The following DNAJC24 variants were observed in gnomAD, a reference collection of about 807,000 sequenced individuals.
The protein encoded by DNAJC24 is DnaJ heat shock protein family (Hsp40) member C24, also known as dnaJ homolog subfamily C member 24.
In DNAJC24, 17 loss-of-function variants were observed where a neutral mutation model predicts 18.0. The observed-to-expected ratio is 0.94, with a 90% CI of 0.65 to 1.42. DNAJC24 has a LOEUF of 1.42. DNAJC24 is among the 40% of genes most tolerant of loss of function. The pLI, the probability that DNAJC24 is intolerant of heterozygous loss-of-function variation, is 0.00. For missense variants in DNAJC24, 158 were observed against 175.6 expected, an observed-to-expected ratio of 0.90 and a Z score of 0.57; for synonymous variants, 55 against 57.7, an observed-to-expected ratio of 0.95 and a Z score of 0.21.
intron 2 of DNAJC24, among the ~76,000 whole-genome samples, chr11:31,378,037 A>G (rs1231595105): frequency 6.6e-6 from 1 of 152,120 alleles, no homozygotes; most frequent in Non-Finnish European, 1.5e-5. Flanking sequence ...GTCTTGAAAA[A>G]GAAAGTAGAA....
rs908331208 is a variant in DNAJC24 at position 31,375,893 on chromosome 11, G to T, written c.111+5034G>T. 5.2e-5 allele frequency among the ~76,000 whole-genome samples: 7 copies of T among 135,108 alleles called. 3 individuals carry two copies. The highest frequency in any genetic ancestry group is 1.2e-4 in the Non-Finnish European group (7 of 58,400). 88.6% of individuals were successfully genotyped at this position (135,108 alleles called of 152,430 possible). On this transcript the variant is annotated intron_variant, in intron 2 of 4. Transcript: ENST00000465995. ...TTGTAGATAGCTATGTATACTATGG[G>T]AGCAAGAAGTCTCAGCTAACAACCT...
chr11:31,427,404 C>T (rs928461955), intron 4 of DNAJC24: 1 of 151,874 alleles, frequency 6.6e-6, no homozygotes, highest in Non-Finnish European at 1.5e-5. Flanking sequence ...AACTGGGGCT[C>T]TTGGTGGTGA....
chr11:31,384,820 T>G (rs1952412288), intron 2 of DNAJC24: 1 of 152,184 alleles, frequency 6.6e-6, no homozygotes, highest in Admixed American at 6.5e-5. Flanking sequence ...GATATGTTTT[T>G]GAGAGCTTCA....
chr11:31,432,262 C>T lies in DNAJC24; in HGVS notation c.*1861C>T. ...AAGTGAGGTAGTCATCCAGGTTCCC[C>T]CTCCCACAATATTTTTGTATCATAA... On this transcript the variant is annotated 3_prime_UTR_variant, in exon 5 of 5. Coordinates refer to ENST00000465995, the MANE Select transcript of DNAJC24 (RefSeq NM_181706.5). The T allele has an allele frequency of 2.3e-6, 1 of 443,542 alleles. No homozygotes were observed. The highest frequency in any genetic ancestry group is 3.9e-5 in the South Asian group (1 of 25,760). The allele number at this position is 443,542 out of a possible 1,614,324, so 27.5% of individuals were successfully genotyped here.
Position 31,426,443 on chromosome 11 carries a change from TAAAA to T in DNAJC24, c.319+90_319+93del. On this transcript the variant is annotated intron_variant, in intron 4 of 4. Coordinates refer to ENST00000465995, the MANE Select transcript of DNAJC24 (RefSeq NM_181706.5). ...AAACTCATTGGATATTTGGAAATCTTAAAAAGAAATAATAGTGTGGCTTTCTATA... is the reference window on the plus strand; with the variant it reads ...AAACTCATTGGATATTTGGAAATCTTAGAAATAATAGTGTGGCTTTCTATA... The T allele has an allele frequency of 9.7e-6, 7 of 719,768 alleles. No individual in the cohort carries two copies. The South Asian group carries it at 1.2e-4, about 12-fold the overall frequency. The allele number at this position is 719,768 out of a possible 1,614,324, so 44.6% of individuals were successfully genotyped here. A position where few individuals can be genotyped will look rare whatever the true frequency, so the allele number is the denominator to read the frequency against.
chr11:31,425,950 CA>C (rs893534485), intron 3 of DNAJC24, among the ~76,000 whole-genome samples: 1 of 152,050 alleles, frequency 6.6e-6, no homozygotes, highest in Non-Finnish European at 1.5e-5. Context: ...GACAAACAAA[CA>C]AACAAAAAAC....
intron 2 of DNAJC24, among the ~76,000 whole-genome samples, chr11:31,413,583 T>C (rs1398517936): frequency 1.3e-5 from 2 of 152,024 alleles, no homozygotes; most frequent in African/African-American, 2.4e-5. Flanking sequence ...CCGCCCGCCT[T>C]GGCCTCCCTA....
At position 31,405,443 on chromosome 11, in the gene DNAJC24, C is replaced by T. The variant is rs534371819; in HGVS notation, c.112-9368C>T. ...AAGTCTCATAGCTACTGTCTTAGTC[C>T]ATTTCATGCTGCTATATCAGAATAC... On this transcript the variant is annotated intron_variant, in intron 2 of 4. Coordinates refer to ENST00000465995, the MANE Select transcript of DNAJC24 (RefSeq NM_181706.5). Among the ~76,000 whole-genome samples, 3 of 151,216 alleles carry T rather than the reference C, an allele frequency of 2.0e-5. No individual in the cohort carries two copies. The South Asian group carries it at 6.3e-4, about 32-fold the overall frequency.
At chr11:31,407,926 A>G (rs1325750505) in intron 2 of DNAJC24, among the ~76,000 whole-genome samples, 1 of 151,714 alleles carries the variant, frequency 6.6e-6, no homozygotes, top group African/African-American at 2.4e-5. Context: ...AAAAAAATAA[A>G]CAGGTTAAAA....
At chr11:31,383,098 C>T (rs1301057343) in intron 2 of DNAJC24, among the ~76,000 whole-genome samples, 4 of 152,024 alleles carry the variant, frequency 2.6e-5, no homozygotes, top group Non-Finnish European at 5.9e-5. Flanking sequence ...GAGTGCACTG[C>T]CCTTCTGGCA....
intron 2 of DNAJC24, among the ~76,000 whole-genome samples, chr11:31,399,739 C>CTTTTTTTTTTTTTTTTTTTTTTTT (rs757871094): frequency 1.0e-5 from 1 of 97,056 alleles, no homozygotes; most frequent in Non-Finnish European, 2.0e-5. Flanking sequence ...ACTGTTTTTT[C>CTTTTTTTTTTTTTTTTTTTTTTTT]TTTTTTTTTT....
chr11:31,374,934 T>G (rs1591897417), intron 2 of DNAJC24, among the ~76,000 whole-genome samples: 1 of 135,518 alleles, frequency 7.4e-6, no homozygotes, highest in Non-Finnish European at 1.7e-5. Flanking sequence ...TTTTTTTCTC[T>G]TCTCTCCTGT....
At chr11:31,423,519 C>T (rs993095003) in intron 3 of DNAJC24, among the ~76,000 whole-genome samples, 3 of 152,172 alleles carry the variant, frequency 2.0e-5, no homozygotes, top group African/African-American at 7.2e-5. Flanking sequence ...CCTCGGCCTC[C>T]CAGAGTGCTG....
In DNAJC24 at chr11:31,430,552, A is replaced by G. The variant is rs1050941565; in HGVS notation, c.*151A>G. ...ATCAAGCAGAGACCACCTCAGATTA[A>G]TAGAGAATGAATATAATTATTTATT... On this transcript the variant is annotated 3_prime_UTR_variant, in exon 5 of 5. Coordinates refer to ENST00000465995, the MANE Select transcript of DNAJC24 (RefSeq NM_181706.5). 2.5e-5 allele frequency: 10 copies of G among 401,604 alleles called. No individual in the cohort carries two copies. The Middle Eastern group carries it at 2.0e-3, about 82-fold the overall frequency. 24.9% of individuals were successfully genotyped at this position (401,604 alleles called of 1,614,324 possible).
intron 2 of DNAJC24, among the ~76,000 whole-genome samples, chr11:31,381,528 G>A (rs1290080088): frequency 6.6e-6 from 1 of 151,478 alleles, no homozygotes; most frequent in Admixed American, 6.6e-5. Flanking sequence ...TTTCCCTGAA[G>A]CAACTTAAAC....
intron 1 of DNAJC24, 73 bp from the exon 2 acceptor site, chr11:31,370,643 A>T: frequency 1.7e-6 from 1 of 603,058 alleles, no homozygotes; most frequent in East Asian, 3.0e-5. Flanking sequence ...TAAAGAATTT[A>T]CAAGGGCAGT....
intron 2 of DNAJC24, among the ~76,000 whole-genome samples, chr11:31,404,927 C>T (rs1952639985): frequency 6.6e-6 from 1 of 151,870 alleles, no homozygotes; most frequent in Admixed American, 6.6e-5. Flanking sequence ...CCAACCAAGT[C>T]TCTTTTTGCT....
At chr11:31,381,765 C>T (rs1408609763) in intron 2 of DNAJC24, among the ~76,000 whole-genome samples, 2 of 151,908 alleles carry the variant, frequency 1.3e-5, no homozygotes, top group Admixed American at 6.6e-5. Flanking sequence ...TTAGTAGAGA[C>T]GGGGTTTCAC....
At chr11:31,424,771 G>A (rs1428033635) in intron 3 of DNAJC24, among the ~76,000 whole-genome samples, 1 of 152,070 alleles carries the variant, frequency 6.6e-6, no homozygotes, top group African/African-American at 2.4e-5. Flanking sequence ...TCACAATATT[G>A]TATAATCTTT....
Sources: gnomAD v4.1 joint callset for allele counts (sites outside exome capture counted in the v4.1 genomes callset) on GRCh38, gnomAD v4.1.1 for gene constraint, MANE v1.5 for transcripts, NCBI Gene and HGNC (gene_info 2026-07-23, HGNC 2026-07-21) for gene names.